GPC5: variants seen among roughly 807,000 people sequenced by gnomAD.
The protein encoded by GPC5 is glypican 5, also known as glypican-5.
Under a neutral mutation model 53.9 loss-of-function variants are expected in GPC5, and 47 were observed. The ratio of observed to expected loss-of-function variants is 0.87; its 90% CI spans 0.69 to 1.11. The LOEUF is 1.11. GPC5 is among the 50% of genes most tolerant of loss of function. The pLI is 0.00. For synonymous variants in GPC5, 286 were observed against 263.3 expected, an observed-to-expected ratio of 1.09 and a Z score of -0.84; for missense variants, 748 against 713.1, an observed-to-expected ratio of 1.05 and a Z score of -0.56.
intron 7 of GPC5, among the ~76,000 whole-genome samples, chr13:92,284,711 T>C (rs1257252033): frequency 2.6e-5 from 4 of 152,174 alleles, no homozygotes; most frequent in Admixed American, 2.6e-4. Context: ...CTAAAAACTC[T>C]GAACAAATTA....
chr13:92,221,237 AT>A (rs1428582245), intron 7 of GPC5, among the ~76,000 whole-genome samples: 1 of 152,098 alleles, frequency 6.6e-6, no homozygotes, highest in Non-Finnish European at 1.5e-5. Context: ...ATGCTATCTA[AT>A]TTCTTAGAAT....
chr13:91,562,188 TAAAA>T (rs10603242), intron 2 of GPC5, among the ~76,000 whole-genome samples: 1,813 of 45,174 alleles, frequency 0.04, 33 homozygotes, highest in African/African-American at 0.11. Flanking sequence ...GGAGCAACAG[TAAAA>T]AAAAAAAAAA....
intron 7 of GPC5, among the ~76,000 whole-genome samples, chr13:92,221,005 G>C (rs985753078): frequency 6.6e-6 from 1 of 152,052 alleles, no homozygotes; most frequent in African/African-American, 2.4e-5. Flanking sequence ...TTTGGGGAGG[G>C]ATGTACCTCA....
chr13:92,769,212 A>T (rs1875522476), intron 7 of GPC5, among the ~76,000 whole-genome samples: 1 of 152,214 alleles, frequency 6.6e-6, no homozygotes, highest in South Asian at 2.1e-4. Context: ...AGTGCTGGGA[A>T]GGTTGCATCA....
chr13:92,206,359 G>C (rs1354105596), intron 7 of GPC5, among the ~76,000 whole-genome samples: 1 of 150,244 alleles, frequency 6.7e-6, no homozygotes, highest in African/African-American at 2.4e-5. Flanking sequence ...TAGAGACGGG[G>C]TTTCACCATG....
At chr13:92,543,494 C>G (rs988659444) in intron 7 of GPC5, among the ~76,000 whole-genome samples, 2 of 151,994 alleles carry the variant, frequency 1.3e-5, no homozygotes, top group South Asian at 4.2e-4. Context: ...GTACTAGTTT[C>G]TCAGAAAGTA....
intron 2 of GPC5, among the ~76,000 whole-genome samples, chr13:91,582,285 G>T (rs1230426770): frequency 3.9e-5 from 6 of 152,174 alleles, no homozygotes. Flanking sequence ...AATGGATATG[G>T]ACTTGCTAAT....
chr13:91,573,236 C>T (rs2032003267), intron 2 of GPC5, among the ~76,000 whole-genome samples: 1 of 152,174 alleles, frequency 6.6e-6, no homozygotes, highest in African/African-American at 2.4e-5. Context: ...GACTCATAGA[C>T]AGGCTCCTTT....
chr13:92,566,291 C>A (rs1882861055), intron 7 of GPC5, among the ~76,000 whole-genome samples: 1 of 152,092 alleles, frequency 6.6e-6, no homozygotes, highest in Non-Finnish European at 1.5e-5. Context: ...CAGCACCTGT[C>A]ATCTTCTCAT....
In GPC5 at chr13:91,522,787, T is replaced by C. The variant is rs375280832; in HGVS notation, c.325+73865T>C. On this transcript the variant is annotated intron_variant, in intron 2 of 7. Coordinates refer to ENST00000377067, the MANE Select transcript of GPC5 (RefSeq NM_004466.6). ...GGTGTTTGGTTTTCTGTCCTTGTGA[T>C]AGTTTGCTGAGAATGATGGTTTCCA... 2.0e-5 allele frequency among the ~76,000 whole-genome samples: 3 copies of C among 152,304 alleles called. No individual in the cohort carries two copies. In the East Asian group the frequency reaches 5.8e-4, roughly 29 times the overall value.
chr13:91,756,985 C>T lies in GPC5; in HGVS notation c.1280+565C>T, dbSNP rs1023096616. ...ATATATATCTGTTTGAGGCATTGTT[C>T]ATTGATATGTTGTCAATTATTCTCA... On this transcript the variant is annotated intron_variant, in intron 5 of 7. Coordinates refer to ENST00000377067, the MANE Select transcript of GPC5 (RefSeq NM_004466.6). 6.6e-5 allele frequency among the ~76,000 whole-genome samples: 10 copies of T among 152,026 alleles called. No individual in the cohort carries two copies. In the South Asian group the frequency reaches 1.5e-3, roughly 22 times the overall value.
At chr13:92,564,308 C>G (rs1302878852) in intron 7 of GPC5, among the ~76,000 whole-genome samples, 1 of 151,828 alleles carries the variant, frequency 6.6e-6, no homozygotes, top group Non-Finnish European at 1.5e-5. Flanking sequence ...ACAAGAGATT[C>G]TAAGTAATCA....
intron 2 of GPC5, among the ~76,000 whole-genome samples, chr13:91,588,648 A>G (rs1248838121): frequency 2.0e-5 from 3 of 152,202 alleles, no homozygotes; most frequent in East Asian, 3.9e-4. Flanking sequence ...TCTTCCTGCC[A>G]TTCATCTCTA....
chr13:91,769,606 A>AAG (rs2037585385), intron 5 of GPC5, among the ~76,000 whole-genome samples: 1 of 152,182 alleles, frequency 6.6e-6, no homozygotes, highest in East Asian at 1.9e-4. Flanking sequence ...AACAGAAGGG[A>AAG]AATCAGCGTG....
At chr13:92,577,730 T>C (rs1883235462) in intron 7 of GPC5, among the ~76,000 whole-genome samples, 1 of 152,094 alleles carries the variant, frequency 6.6e-6, no homozygotes, top group African/African-American at 2.4e-5. Flanking sequence ...GTACAAAATC[T>C]CATCATGAAA....
rs1321197377 is a variant in GPC5, at chr13:91,868,433, A to C, written c.1281-39504A>C. On this transcript the variant is annotated intron_variant, in intron 5 of 7. Transcript: ENST00000377067. ...TAAAGTATAGGAGACAAGGCTGGGC[A>C]TGGTGCCTCATGCCTATAATCCCAA... is the stretch of plus-strand genomic sequence containing the variant. 2.0e-5 allele frequency among the ~76,000 whole-genome samples: 3 copies of C among 152,238 alleles called. No homozygotes were observed. The South Asian group carries it at 6.2e-4, about 31-fold the overall frequency.
chr13:91,603,655 A>T lies in GPC5; in HGVS notation c.326-89532A>T, dbSNP rs1335459268. Among the ~76,000 whole-genome samples the T allele has an allele frequency of 7.9e-5, 12 of 152,334 alleles. No individual in the cohort carries two copies. The South Asian group carries it at 2.3e-3, about 29-fold the overall frequency. On this transcript the variant is annotated intron_variant, in intron 2 of 7. Transcript: ENST00000377067. Reference sequence around the variant, plus strand: ...GGCTGATTACACATATAATTTTGATATGAAGTTTTGAAGGGATTTGTTCTC... The same window carrying T: ...GGCTGATTACACATATAATTTTGATTTGAAGTTTTGAAGGGATTTGTTCTC...
chr13:92,041,657 C>T (rs1417157692), intron 6 of GPC5, among the ~76,000 whole-genome samples: 2 of 152,118 alleles, frequency 1.3e-5, no homozygotes, highest in African/African-American at 4.8e-5. Flanking sequence ...TGGATTAATA[C>T]CATAAGTCTA....
At chr13:92,641,758 C>T (rs1885601168) in intron 7 of GPC5, among the ~76,000 whole-genome samples, 1 of 152,070 alleles carries the variant, frequency 6.6e-6, no homozygotes, top group South Asian at 2.1e-4. Context: ...AAATGGAGTT[C>T]CTAGTTCAAG....
Sources: gnomAD v4.1 joint callset for allele counts (sites outside exome capture counted in the v4.1 genomes callset) on GRCh38, gnomAD v4.1.1 for gene constraint, MANE v1.5 for transcripts, NCBI Gene and HGNC (gene_info 2026-07-23, HGNC 2026-07-21) for gene names.